SGCD: variants seen among roughly 807,000 people sequenced by gnomAD.
The protein encoded by SGCD is sarcoglycan delta.
SGCD carries 18 observed loss-of-function variants against 36.6 expected under a neutral mutation model. The observed-to-expected ratio is 0.49, with a 90% CI of 0.34 to 0.73. The LOEUF is 0.73. Ranked by LOEUF, SGCD falls within the 30% of genes least tolerant of loss-of-function variation. The pLI is 0.01. For synonymous variants in SGCD, 133 were observed against 130.6 expected, an observed-to-expected ratio of 1.02 and a Z score of -0.12; for missense variants, 387 against 346.7, an observed-to-expected ratio of 1.12 and a Z score of -0.92.
chr5:156,094,283 A>G (rs1761324474), intron 1 of SGCD, among the ~76,000 whole-genome samples: 1 of 152,192 alleles, frequency 6.6e-6, no homozygotes, highest in Non-Finnish European at 1.5e-5. Flanking sequence ...CTGCAGGAAC[A>G]GTCACTTCCA....
the SGCD span, among the ~76,000 whole-genome samples, chr5:155,812,093 G>C: frequency 1.1e-4 from 16 of 152,120 alleles, no homozygotes; most frequent in Non-Finnish European, 8.8e-5. Context: ...ATGGAAACAG[G>C]ACGTGAAGCT....
intron 3 of SGCD, among the ~76,000 whole-genome samples, chr5:156,382,112 A>G (rs532639306): frequency 4.6e-5 from 7 of 152,146 alleles, no homozygotes; most frequent in African/African-American, 7.2e-5. Context: ...TCCATAAGTA[A>G]TAACAGTGGA....
intron 1 of SGCD, among the ~76,000 whole-genome samples, chr5:155,903,556 G>A (rs992378488): frequency 6.6e-6 from 1 of 152,144 alleles, no homozygotes; most frequent in Admixed American, 6.6e-5. Flanking sequence ...TCTGAGTGAA[G>A]CAGCTTCCCA....
chr5:156,309,700 C>T (rs1412655401), intron 3 of SGCD, among the ~76,000 whole-genome samples: 1 of 149,752 alleles, frequency 6.7e-6, no homozygotes, highest in African/African-American at 2.5e-5. Flanking sequence ...GTTGGTCAGA[C>T]TGGTCTTGAA....
chr5:156,246,622 C>G (rs563728115), intron 3 of SGCD, among the ~76,000 whole-genome samples: 1 of 152,078 alleles, frequency 6.6e-6, no homozygotes, highest in African/African-American at 2.4e-5. Context: ...TATGCTAAAG[C>G]CGGAGAAATT....
rs1325017883 is a variant in SGCD, at chr5:155,889,123, G to A, written c.-282+18699G>A. Among the ~76,000 whole-genome samples the A allele has an allele frequency of 2.6e-5, 4 of 152,138 alleles. No homozygotes were observed. The East Asian group carries it at 5.8e-4, about 22-fold the overall frequency. ...CACCCCTAGACTGTGAGTTCTTGGA[G>A]AGCAAAGAGCATATCTCAAACATCT... On this transcript the variant is annotated intron_variant, in intron 1 of 9. Coordinates refer to the SGCD transcript ENST00000517913.
chr5:156,646,911 G>T (rs1763248233), intron 6 of SGCD, among the ~76,000 whole-genome samples: 1 of 152,140 alleles, frequency 6.6e-6, no homozygotes, highest in South Asian at 2.1e-4. Flanking sequence ...AAGTGTAAAA[G>T]CTCTGAACTT....
At chr5:156,610,871 G>A (rs575107819) in intron 6 of SGCD, among the ~76,000 whole-genome samples, 76 of 152,352 alleles carry the variant, frequency 5.0e-4, no homozygotes, top group Non-Finnish European at 8.8e-4. Flanking sequence ...CTGGTGTGCC[G>A]TTTGCTAAGA....
chr5:155,948,255 C>T (rs904259396), intron 1 of SGCD, among the ~76,000 whole-genome samples: 9 of 152,016 alleles, frequency 5.9e-5, no homozygotes, highest in African/African-American at 9.7e-5. Flanking sequence ...CCAGCCTGGG[C>T]GACAGGGTGA....
chr5:155,922,018 T>C (rs1756889894), intron 1 of SGCD, among the ~76,000 whole-genome samples: 2 of 152,248 alleles, frequency 1.3e-5, no homozygotes, highest in Admixed American at 6.5e-5. Context: ...GTTCTTGATA[T>C]ACAGCTAGGA....
upstream of SGCD, among the ~76,000 whole-genome samples, chr5:155,868,461 C>G (rs1307450537): frequency 6.7e-6 from 1 of 148,978 alleles, no homozygotes; most frequent in Non-Finnish European, 1.5e-5. Flanking sequence ...TTGCCTCAGA[C>G]TCTGAAACTG....
chr5:156,482,588 T>C (rs926048934), intron 3 of SGCD, among the ~76,000 whole-genome samples: 1 of 152,178 alleles, frequency 6.6e-6, no homozygotes, highest in Non-Finnish European at 1.5e-5. Context: ...ATGTTCTCTT[T>C]AGAAAAATGA....
chr5:156,644,505 C>G (rs2113575641), intron 6 of SGCD, among the ~76,000 whole-genome samples: 1 of 149,792 alleles, frequency 6.7e-6, no homozygotes. Flanking sequence ...TTATTTCTAC[C>G]TATTAAATGC....
At chr5:156,451,636 CT>C (rs1561704496) in intron 3 of SGCD, among the ~76,000 whole-genome samples, 2 of 152,124 alleles carry the variant, frequency 1.3e-5, no homozygotes, top group African/African-American at 4.8e-5. Context: ...GTTTTGATAA[CT>C]AAAGGTTTTA....
At chr5:155,889,400 T>TG (rs1756075211) in intron 1 of SGCD, among the ~76,000 whole-genome samples, 1 of 152,146 alleles carries the variant, frequency 6.6e-6, no homozygotes, top group African/African-American at 2.4e-5. Context: ...TAAAGAAGTT[T>TG]GGGGCTCCAC....
chr5:156,606,321 C>G (rs554285121), intron 6 of SGCD, among the ~76,000 whole-genome samples: 13 of 152,186 alleles, frequency 8.5e-5, no homozygotes, highest in Admixed American at 2.6e-4. Context: ...CCCATTTCTT[C>G]TTTTTGTCAG....
chr5:155,878,230 T>C (rs1163064610), intron 1 of SGCD, among the ~76,000 whole-genome samples: 2 of 152,152 alleles, frequency 1.3e-5, no homozygotes, highest in African/African-American at 2.4e-5. Context: ...ATAATAAGTT[T>C]AGAGTTAGGT....
intron 7 of SGCD, among the ~76,000 whole-genome samples, chr5:156,726,116 T>C (rs1755760615): frequency 6.6e-6 from 1 of 152,244 alleles, no homozygotes; most frequent in East Asian, 1.9e-4. Context: ...GTAATCCATC[T>C]TGAAGATGGC....
At chr5:156,750,050 A>G (rs1414007129) in intron 7 of SGCD, among the ~76,000 whole-genome samples, 1 of 152,178 alleles carries the variant, frequency 6.6e-6, no homozygotes, top group Non-Finnish European at 1.5e-5. Context: ...ACAGGAGTAG[A>G]TAGTTATTGG....
Sources: gnomAD v4.1 joint callset for allele counts (sites outside exome capture counted in the v4.1 genomes callset) on GRCh38, gnomAD v4.1.1 for gene constraint, MANE v1.5 for transcripts, NCBI Gene and HGNC (gene_info 2026-07-23, HGNC 2026-07-21) for gene names.